The following NDUFS6 variants were observed in gnomAD, a reference collection of about 807,000 sequenced individuals.
The protein encoded by NDUFS6 is NADH dehydrogenase [ubiquinone] iron-sulfur protein 6, mitochondrial.
Under a neutral mutation model 13.2 loss-of-function variants are expected in NDUFS6, and 14 were observed. That is an observed-to-expected ratio of 1.06 (90% CI 0.70 to 1.66). The LOEUF is 1.66. Ranked by LOEUF, NDUFS6 falls within the 40% of genes most tolerant of loss-of-function variation. The pLI is 0.00. For synonymous variants in NDUFS6, 95 were observed against 72.3 expected (o/e 1.31, Z -1.60); for missense variants, 206 against 170.8 (o/e 1.21, Z -1.15).
At position 1,803,114 on chromosome 5, in the gene NDUFS6, C is replaced by T. The variant is rs927740271; in HGVS notation, c.186+740C>T. On this transcript the variant is annotated intron_variant, in intron 2 of 3. Transcript: ENST00000274137. ...TCTTCTTGTTAACACCGTAGCTATCCCTAAATCATGTATTTTCCCTTCTCC... is the reference window on the plus strand; with the variant it reads ...TCTTCTTGTTAACACCGTAGCTATCTCTAAATCATGTATTTTCCCTTCTCC... 3.9e-5 allele frequency among the ~76,000 whole-genome samples: 6 copies of T among 152,068 alleles called. No individual in the cohort carries two copies. The South Asian group carries it at 6.2e-4, about 16-fold the overall frequency.
chr5:1,806,659 C>G (rs894497566), intron 2 of NDUFS6, among the ~76,000 whole-genome samples: 1 of 152,134 alleles, frequency 6.6e-6, no homozygotes, highest in Non-Finnish European at 1.5e-5. Context: ...AAACAGAAAA[C>G]AAGCGTGGGT....
chr5:1,813,125 C>T (rs1734245500), intron 2 of NDUFS6, among the ~76,000 whole-genome samples: 1 of 152,150 alleles, frequency 6.6e-6, no homozygotes, highest in Admixed American at 6.5e-5. Context: ...AAACTTAGTT[C>T]AGGGTTACAA....
chr5:1,801,523 G>A lies in NDUFS6; in HGVS notation c.106G>A (p.Gly36Arg), dbSNP rs1274780971. 1.9e-6 allele frequency: 3 copies of A among 1,594,912 alleles called. No homozygotes were observed. Among genetic ancestry groups the A allele is most frequent in the South Asian group, 1.1e-5 (1 of 89,954 alleles). ...TTTCGGGGTGCGGGTCTCGCCGACC[G>A]GGGAGAAGGTCACGCACACTGGCCA... ...RCFGVRVSPT[G>R]EKVTHTGQVY... is the part of the protein sequence containing the mutation. Residue 36 changes from glycine (G) to arginine (R), a missense_variant, in exon 1 of 4, where the codon GGG (glycine) becomes AGG (arginine). Transcript: ENST00000274137.
intron 2 of NDUFS6, among the ~76,000 whole-genome samples, chr5:1,807,424 TTTATG>T (rs1734144662): frequency 6.6e-6 from 1 of 152,098 alleles, no homozygotes; most frequent in Non-Finnish European, 1.5e-5. Flanking sequence ...GATGGCAAGT[TTTATG>T]TTATGTGTAT....
At chr5:1,802,258 A>T in intron 1 of NDUFS6, 63 bp from the exon 2 acceptor site, 1 of 1,414,418 alleles carries the variant, frequency 7.1e-7, no homozygotes, top group South Asian at 1.2e-5. Context: ...TTTATGATTG[A>T]TATGAAGTGA....
At chr5:1,803,955 G>A (rs571861066) in intron 2 of NDUFS6, among the ~76,000 whole-genome samples, 4 of 152,212 alleles carry the variant, frequency 2.6e-5, no homozygotes, top group East Asian at 3.9e-4. Context: ...GTGTGGATGC[G>A]GTATGGTTTC....
At chr5:1,810,728 G>T (rs1734205529) in intron 2 of NDUFS6, among the ~76,000 whole-genome samples, 1 of 151,554 alleles carries the variant, frequency 6.6e-6, no homozygotes, top group Non-Finnish European at 1.5e-5. Context: ...TCCTCTAATG[G>T]TTGTCGGAGT....
chr5:1,814,316 G>A lies in NDUFS6; in HGVS notation c.187-23G>A, dbSNP rs576697542. 3.4e-5 allele frequency: 55 copies of A among 1,614,070 alleles called. No individual in the cohort carries two copies. The Middle Eastern group carries it at 4.9e-4, about 14-fold the overall frequency. ...TTAGCAAGTTTGTGTATTTGTTTAC[G>A]TAAGTCTTTCTTCTTGTTCCAGGTG... On this transcript the variant is annotated intron_variant, in intron 2 of 3. Coordinates refer to ENST00000274137, the MANE Select transcript of NDUFS6 (RefSeq NM_004553.6). The surrounding 1 kb of genome is among the most constrained non-coding windows in gnomAD (Gnocchi z 4.9).
intron 1 of NDUFS6, 78 bp downstream of exon 1, chr5:1,801,627 T>C: frequency 6.6e-7 from 1 of 1,506,342 alleles, no homozygotes. Context: ...TCGCCGGGCA[T>C]CCGCGGCCCT....
At position 1,814,629 on chromosome 5, in the gene NDUFS6, C is replaced by T; in HGVS notation, c.309+168C>T. ...CACCCTACAGCGCCACACTACAGGG[C>T]CTACATAGAGCCGCCTGTCCGAAAA... On this transcript the variant is annotated intron_variant, in intron 3 of 3. Transcript: ENST00000274137. The surrounding 1 kb of genome is among the most constrained non-coding windows in gnomAD (Gnocchi z 4.9). The T allele has an allele frequency of 1.9e-6, 2 of 1,044,840 alleles. No homozygotes were observed. The highest frequency in any genetic ancestry group is 2.9e-6 in the Non-Finnish European group (2 of 696,728). The allele number at this position is 1,044,840 out of a possible 1,614,324, so 64.7% of individuals were successfully genotyped here.
At chr5:1,803,763 C>CAGTGAT (rs1001249869) in intron 2 of NDUFS6, among the ~76,000 whole-genome samples, 3 of 152,214 alleles carry the variant, frequency 2.0e-5, no homozygotes, top group African/African-American at 7.2e-5. Context: ...CCCAGTGATT[C>CAGTGAT]ACACAAAGGA....
chr5:1,808,227 G>C (rs1357171676), intron 2 of NDUFS6, among the ~76,000 whole-genome samples: 2 of 152,178 alleles, frequency 1.3e-5, no homozygotes, highest in Admixed American at 6.5e-5. Context: ...GCGTCCTTTA[G>C]GGGGTGTTTG....
Position 1,814,287 on chromosome 5 carries a change from GTAGT to G in NDUFS6, c.187-48_187-45del. On this transcript the variant is annotated intron_variant, in intron 2 of 3. Coordinates refer to ENST00000274137, the MANE Select transcript of NDUFS6 (RefSeq NM_004553.6). The surrounding 1 kb of genome is among the most constrained non-coding windows in gnomAD (Gnocchi z 4.9). ...TTGTGTGTGGTGGGTTAAATTGTAT[GTAGT>G]TAGCAAGTTTGTGTATTTGTTTACG... 1 of 1,538,032 alleles carries G rather than the reference GTAGT, an allele frequency of 6.5e-7. No homozygotes were observed. The highest frequency in any genetic ancestry group is 8.9e-7 in the Non-Finnish European group (1 of 1,120,656).
chr5:1,815,445 T>A (rs917971643), intron 3 of NDUFS6, among the ~76,000 whole-genome samples: 1 of 152,228 alleles, frequency 6.6e-6, no homozygotes, highest in African/African-American at 2.4e-5. Context: ...AAGGGGACAG[T>A]GTAACAGGCA....
chr5:1,813,847 A>T (rs185849729), intron 2 of NDUFS6, among the ~76,000 whole-genome samples: 4 of 152,356 alleles, frequency 2.6e-5, no homozygotes, highest in Admixed American at 2.6e-4. Context: ...GGTCTAACGG[A>T]TTGCAGAGCT....
chr5:1,812,983 C>T (rs1329768047), intron 2 of NDUFS6, among the ~76,000 whole-genome samples: 2 of 152,014 alleles, frequency 1.3e-5, no homozygotes, highest in Non-Finnish European at 2.9e-5. Flanking sequence ...ACCTAGGAGG[C>T]GGAGGTGGCA....
chr5:1,810,375 A>G (rs1424802319), intron 2 of NDUFS6, among the ~76,000 whole-genome samples: 2 of 152,252 alleles, frequency 1.3e-5, no homozygotes, highest in Non-Finnish European at 2.9e-5. Flanking sequence ...CTCTACATGC[A>G]CAGATGCCGG....
rs1734267759 is a variant in NDUFS6 at position 1,814,313 on chromosome 5, T to C, written c.187-26T>C. 6.2e-7 allele frequency: 1 copy of C among 1,614,098 alleles called. No individual in the cohort carries two copies. The highest frequency in any genetic ancestry group is 1.3e-5 in the African/African-American group (1 of 74,934). Reference sequence around the variant, plus strand: ...TAGTTAGCAAGTTTGTGTATTTGTTTACGTAAGTCTTTCTTCTTGTTCCAG... The same window carrying C: ...TAGTTAGCAAGTTTGTGTATTTGTTCACGTAAGTCTTTCTTCTTGTTCCAG... On this transcript the variant is annotated intron_variant, in intron 2 of 3. Transcript: ENST00000274137. This position sits in a 1 kb window ranked among gnomAD's most constrained non-coding sequence, Gnocchi z 4.9.
chr5:1,808,035 T>C (rs146100419), intron 2 of NDUFS6, among the ~76,000 whole-genome samples: 105 of 152,242 alleles, frequency 6.9e-4, no homozygotes, highest in Middle Eastern at 3.4e-3. Context: ...CAGACAGTGG[T>C]GGCTGAGAAG....
Sources: gnomAD v4.1 joint callset for allele counts (sites outside exome capture counted in the v4.1 genomes callset) on GRCh38, gnomAD v4.1.1 for gene constraint, Gnocchi (gnomAD v3.1) non-coding constraint, MANE v1.5 for transcripts, NCBI Gene and HGNC (gene_info 2026-07-23, HGNC 2026-07-21) for gene names.